PHC2: variants seen among roughly 807,000 people sequenced by gnomAD.
The protein encoded by PHC2 is polyhomeotic homolog 2.
Under a neutral mutation model 87.4 loss-of-function variants are expected in PHC2, and 29 were observed. That is an observed-to-expected ratio of 0.33 (90% CI 0.25 to 0.45). The LOEUF (loss-of-function observed/expected upper bound fraction) is 0.45. PHC2 is among the 20% of genes least tolerant of loss of function. The pLI is 1.00. For synonymous variants in PHC2, 438 were observed against 461.7 expected, an observed-to-expected ratio of 0.95 and a Z score of 0.66; for missense variants, 857 against 1,136.7, an observed-to-expected ratio of 0.75 and a Z score of 3.54.
In PHC2 at chr1:33,354,512, C is replaced by T. The variant is rs1189517668; in HGVS notation, c.1447G>A (p.Val483Met). 3.1e-6 allele frequency: 5 copies of T among 1,614,038 alleles called. No individual in the cohort carries two copies. In the African/African-American group the frequency reaches 6.7e-5, roughly 22 times the overall value. ...GATGGGCCAGACCGCGTCTCAGGCA[C>T]ACTTTTCTCCCCTGGTGCCACTTCT... ...WKEVAPGEKSVPETRSGPSPH... is the reference protein window; with the variant it reads ...WKEVAPGEKSMPETRSGPSPH... Residue 483 changes from valine to methionine, a missense_variant, in exon 9 of 15, where the codon GTG becomes ATG. This residue lies in a region of PHC2 where 832 missense variants were observed against 1,081.8 expected (regional missense o/e 0.77). Transcript: ENST00000683057.
intron 14 of PHC2, among the ~76,000 whole-genome samples, chr1:33,328,412 C>T (rs1461261892): frequency 4.6e-5 from 6 of 131,602 alleles, no homozygotes; most frequent in African/African-American, 1.5e-4. Context: ...AGACAGGTCT[C>T]ACCATGTTGC....
chr1:33,398,988 A>C (rs1442623831), intron 1 of PHC2, among the ~76,000 whole-genome samples: 1 of 152,216 alleles, frequency 6.6e-6, no homozygotes, highest in African/African-American at 2.4e-5. Flanking sequence ...CTGGGTCCAG[A>C]GTTCAAGGAG....
intron 1 of PHC2, among the ~76,000 whole-genome samples, chr1:33,429,985 A>G (rs912051636): frequency 6.6e-6 from 1 of 152,250 alleles, no homozygotes; most frequent in African/African-American, 2.4e-5. Flanking sequence ...GGGCAAGCTT[A>G]GTATCAGTGG....
At position 33,331,403 on chromosome 1, in the gene PHC2, A is replaced by C. The variant is rs773204156; in HGVS notation, c.1951T>G (p.Phe651Val). Reference sequence around the variant, plus strand: ...TTGGAACGCTTGAACTTATAGGCAAAGTCCACCCGGCCACAGAGCTCACAC... The same window carrying C: ...TTGGAACGCTTGAACTTATAGGCAACGTCCACCCGGCCACAGAGCTCACAC... ...LKCELCGRVD[F>V]AYKFKRSKRF... The change falls in exon 12 of 15, where the codon TTT (phenylalanine) becomes GTT (valine). Residue 651 changes from phenylalanine (F) to valine (V), a missense_variant. Phe to Val is a conservative substitution (Grantham distance 50). This residue lies in a region of PHC2 where 832 missense variants were observed against 1,081.8 expected (regional missense o/e 0.77). Coordinates refer to ENST00000683057, the MANE Select transcript of PHC2 (RefSeq NM_001385109.1). The surrounding 1 kb of genome is among the most constrained non-coding windows in gnomAD (Gnocchi z 5.2). 7 of 1,613,308 alleles carry C rather than the reference A, an allele frequency of 4.3e-6. No individual in the cohort carries two copies. Among genetic ancestry groups the C allele is most frequent in the South Asian group, 1.1e-5 (1 of 91,042 alleles).
chr1:33,392,185 A>ACACACATG (rs557004382), intron 1 of PHC2, among the ~76,000 whole-genome samples: 25 of 152,090 alleles, frequency 1.6e-4, no homozygotes, highest in African/African-American at 5.5e-4. Context: ...ACACACACAC[A>ACACACATG]CACATGCACA....
intron 1 of PHC2, among the ~76,000 whole-genome samples, chr1:33,380,837 T>C (rs1242203142): frequency 6.6e-6 from 1 of 152,138 alleles, no homozygotes; most frequent in African/African-American, 2.4e-5. Flanking sequence ...AAACCCTCCA[T>C]GATCTGACCC....
chr1:33,355,294 T>G (rs1647050831), intron 7 of PHC2, 41 bp from the exon 8 acceptor site: 3 of 1,501,054 alleles, frequency 2.0e-6, no homozygotes, highest in Non-Finnish European at 2.7e-6. Context: ...TGGCTTGACC[T>G]TCTCTTCTGC....
chr1:33,418,363 AAG>A (rs1373649918), intron 1 of PHC2, among the ~76,000 whole-genome samples: 6 of 115,352 alleles, frequency 5.2e-5, no homozygotes, highest in Middle Eastern at 4.4e-3. Context: ...AAGAGAGAGA[AAG>A]AGAGTGAGAG....
chr1:33,390,188 T>C (rs1292700095), intron 1 of PHC2, among the ~76,000 whole-genome samples: 4 of 152,188 alleles, frequency 2.6e-5, no homozygotes, highest in African/African-American at 9.7e-5. Context: ...GCATCATCAC[T>C]AGGGGCTCTT....
At chr1:33,420,962 G>C (rs1650412263) in intron 1 of PHC2, among the ~76,000 whole-genome samples, 1 of 152,200 alleles carries the variant, frequency 6.6e-6, no homozygotes, top group Non-Finnish European at 1.5e-5. Flanking sequence ...GAAATGACAT[G>C]AGTACTTACC....
At chr1:33,430,798 G>A (rs1477874414) in intron 1 of PHC2, among the ~76,000 whole-genome samples, 178 bp downstream of exon 1, 2 of 150,216 alleles carry the variant, frequency 1.3e-5, no homozygotes, top group African/African-American at 2.4e-5. Context: ...CCTGCCGCCC[G>A]CCTGTCCGTG....
chr1:33,402,018 T>C (rs997990991), intron 1 of PHC2, among the ~76,000 whole-genome samples: 3 of 152,160 alleles, frequency 2.0e-5, no homozygotes, highest in Admixed American at 1.3e-4. Flanking sequence ...GTCAAAGGCA[T>C]AATAACAAGC....
chr1:33,355,368 T>C (rs542668506), intron 7 of PHC2, 115 bp from the exon 8 acceptor site: 2 of 902,534 alleles, frequency 2.2e-6, no homozygotes, highest in South Asian at 1.9e-5. Flanking sequence ...TCAATGTCTC[T>C]TGTTTTCATC....
chr1:33,412,770 G>T (rs771001932), intron 1 of PHC2, among the ~76,000 whole-genome samples: 1 of 152,188 alleles, frequency 6.6e-6, no homozygotes, highest in Non-Finnish European at 1.5e-5. Context: ...CATAAATCTT[G>T]TAATTGAAGG....
intron 1 of PHC2, among the ~76,000 whole-genome samples, chr1:33,407,538 T>G (rs990755808): frequency 5.9e-5 from 9 of 152,108 alleles, no homozygotes; most frequent in African/African-American, 1.9e-4. Context: ...ATGGTTTACT[T>G]CTAGTTCACT....
At chr1:33,365,013 C>T (rs963663428) in intron 7 of PHC2, among the ~76,000 whole-genome samples, 1 of 152,152 alleles carries the variant, frequency 6.6e-6, no homozygotes, top group Non-Finnish European at 1.5e-5. Flanking sequence ...CTGAGGAGGC[C>T]CCAGATTACT....
chr1:33,333,760 C>A, intron 10 of PHC2: 1 of 274,836 alleles, frequency 3.6e-6, no homozygotes, highest in Non-Finnish European at 6.8e-6. Flanking sequence ...ATCTAATTTC[C>A]CAAAACCCAT....
At chr1:33,383,571 G>A (rs989662045) in intron 1 of PHC2, among the ~76,000 whole-genome samples, 6 of 152,150 alleles carry the variant, frequency 3.9e-5, no homozygotes, top group Non-Finnish European at 8.8e-5. Flanking sequence ...AATATGAGGA[G>A]GAAAAAGAAG....
Position 33,364,671 on chromosome 1 carries a change from G to A in PHC2, c.976+2445C>T, listed in dbSNP as rs762183870. Among the ~76,000 whole-genome samples the A allele has an allele frequency of 5.9e-5, 9 of 152,170 alleles. No homozygotes were observed. Among genetic ancestry groups the A allele is most frequent in the South Asian group, 4.1e-4 (2 of 4,836 alleles). On this transcript the variant is annotated intron_variant, in intron 7 of 14. Transcript: ENST00000683057. This position sits in a 1 kb window ranked among gnomAD's most constrained non-coding sequence, Gnocchi z 4.1. ...ATATGGGAGGTGGGAGTGGGGCAGC[G>A]CCATCTCTGGGCTTACAGAGAGGAA...
Sources: allele counts gnomAD v4.1 joint callset (sites outside exome capture counted in the v4.1 genomes callset), GRCh38; gene constraint gnomAD v4.1.1; regional missense constraint gnomAD v4.1.1; non-coding constraint Gnocchi (gnomAD v3.1); transcripts MANE v1.5; gene names NCBI Gene and HGNC (gene_info 2026-07-23, HGNC 2026-07-21).